The following RARB variants were observed in gnomAD, a reference collection of about 807,000 sequenced individuals.
The protein encoded by RARB is retinoic acid receptor beta, also known as HBV-activated protein.
In RARB, 17 loss-of-function variants were observed where a neutral mutation model predicts 51.9. The observed-to-expected ratio is 0.33, with a 90% CI of 0.22 to 0.49. The LOEUF is 0.49. RARB is among the 20% of genes least tolerant of loss of function. The pLI is 0.99. For missense variants in RARB, 369 were observed against 550.8 expected (o/e 0.67, Z 3.30); for synonymous variants, 215 against 195.4 (o/e 1.10, Z -0.84).
chr3:25,202,113 C>G (rs557625659), intron 5 of RARB, among the ~76,000 whole-genome samples: 1 of 152,178 alleles, frequency 6.6e-6, no homozygotes, highest in East Asian at 1.9e-4. Context: ...AATTTCAGAT[C>G]CTGTTATTGG....
intron 5 of RARB, among the ~76,000 whole-genome samples, chr3:25,583,440 C>T (rs184629122): frequency 3.4e-4 from 52 of 152,362 alleles, no homozygotes; most frequent in African/African-American, 1.1e-3. Flanking sequence ...TTGAGTACCG[C>T]CTGTTCAGAG....
chr3:25,056,609 G>A (rs796140041), intron 2 of RARB, among the ~76,000 whole-genome samples: 3 of 152,102 alleles, frequency 2.0e-5, no homozygotes, highest in Admixed American at 6.6e-5. Context: ...CTTAGTAGCA[G>A]TTTCATTATA....
At chr3:25,368,004 A>G (rs1706182470) in intron 5 of RARB, among the ~76,000 whole-genome samples, 1 of 152,158 alleles carries the variant, frequency 6.6e-6, no homozygotes, top group South Asian at 2.1e-4. Flanking sequence ...AATATGTAAG[A>G]AAATATTTTT....
chr3:25,122,991 G>T (rs1222751417), intron 3 of RARB, among the ~76,000 whole-genome samples: 2 of 152,100 alleles, frequency 1.3e-5, no homozygotes, highest in Non-Finnish European at 2.9e-5. Flanking sequence ...CATGTACACA[G>T]TGGTGACTCA....
At chr3:24,966,766 A>C (rs770221277) in intron 2 of RARB, among the ~76,000 whole-genome samples, 1 of 152,174 alleles carries the variant, frequency 6.6e-6, no homozygotes, top group Non-Finnish European at 1.5e-5. Flanking sequence ...TTCACATTAA[A>C]TTTTTATCTT....
chr3:25,328,212 A>T (rs1704782055), intron 5 of RARB, among the ~76,000 whole-genome samples: 1 of 152,250 alleles, frequency 6.6e-6, no homozygotes, highest in Non-Finnish European at 1.5e-5. Flanking sequence ...GGATAAACGG[A>T]TGAGCGATTT....
At chr3:25,238,829 A>C (rs1702364218) in intron 5 of RARB, among the ~76,000 whole-genome samples, 1 of 152,158 alleles carries the variant, frequency 6.6e-6, no homozygotes, top group South Asian at 2.1e-4. Context: ...AAATACAAAA[A>C]TTAGCCAGGC....
At chr3:24,935,281 C>T (rs932896999) in intron 2 of RARB, among the ~76,000 whole-genome samples, 1 of 152,024 alleles carries the variant, frequency 6.6e-6, no homozygotes, top group African/African-American at 2.4e-5. Context: ...TCCCACTGAG[C>T]TCAAGTAGTT....
At chr3:25,200,558 G>A (rs1216567869) in intron 5 of RARB, among the ~76,000 whole-genome samples, 1 of 152,114 alleles carries the variant, frequency 6.6e-6, no homozygotes, top group Non-Finnish European at 1.5e-5. Context: ...TTTTCTTCTA[G>A]GGTTTTTATG....
At chr3:25,301,304 T>C (rs1011713852) in intron 5 of RARB, among the ~76,000 whole-genome samples, 3 of 152,156 alleles carry the variant, frequency 2.0e-5, no homozygotes, top group Non-Finnish European at 4.4e-5. Context: ...GGACTCTCCA[T>C]TTTGTGCATA....
At chr3:25,220,160 A>G (rs1701914679) in intron 5 of RARB, among the ~76,000 whole-genome samples, 1 of 152,148 alleles carries the variant, frequency 6.6e-6, no homozygotes. Context: ...CCTTTGGACT[A>G]TTTCATTGCT....
chr3:25,520,754 C>T (rs1009775887), intron 3 of RARB, among the ~76,000 whole-genome samples: 4 of 152,168 alleles, frequency 2.6e-5, no homozygotes, highest in African/African-American at 7.2e-5. Flanking sequence ...TATAGCCACA[C>T]ATGATATATA....
intron 5 of RARB, among the ~76,000 whole-genome samples, chr3:25,241,940 C>T (rs916267332): frequency 1.3e-5 from 2 of 152,178 alleles, no homozygotes; most frequent in Non-Finnish European, 2.9e-5. Context: ...AGTGTAAAAA[C>T]TTTCCTATTT....
At chr3:25,453,608 T>C (rs1466076015) in intron 1 of RARB, among the ~76,000 whole-genome samples, 1 of 152,292 alleles carries the variant, frequency 6.6e-6, no homozygotes, top group South Asian at 2.1e-4. Context: ...CACACTTTGC[T>C]GAGCAAGGCT....
At chr3:25,416,634 G>T (rs1707712016) in intron 5 of RARB, among the ~76,000 whole-genome samples, 2 of 152,188 alleles carry the variant, frequency 1.3e-5, no homozygotes, top group African/African-American at 4.8e-5. Context: ...CAGCTCTGTT[G>T]TGCAAAAGCA....
At chr3:25,453,845 T>TC (rs1694745645) in intron 1 of RARB, among the ~76,000 whole-genome samples, 1 of 152,062 alleles carries the variant, frequency 6.6e-6, no homozygotes, top group African/African-American at 2.4e-5. Context: ...TTTCCTTCAC[T>TC]CCCCATCGTC....
rs1289428557 is a variant in RARB, at chr3:25,580,653, G to T, written c.717G>T (p.Leu239=). Residue 239 remains leucine, a synonymous_variant, in exon 5 of 8, where the codon CTG becomes CTT. Transcript: ENST00000330688. ...AGATCGTGGAGTTTGCTAAACGTCT[G>T]CCTGGTTTCACTGGCTTGACCATCG... The part of the protein sequence containing the change: ...IIKIVEFAKR[L]PGFTGLTIAD... 6.2e-7 allele frequency: 1 copy of T among 1,613,168 alleles called. No homozygotes were observed. The highest frequency in any genetic ancestry group is 2.2e-5 in the East Asian group (1 of 44,866).
Position 24,934,239 on chromosome 3 carries a change from C to G in RARB, c.-380+75487C>G, listed in dbSNP as rs145530699. 1.9e-3 allele frequency among the ~76,000 whole-genome samples: 293 copies of G among 152,190 alleles called. 1 individual carries two copies. In the Middle Eastern group the frequency reaches 0.024, roughly 12 times the overall value. On this transcript the variant is annotated intron_variant, in intron 2 of 11. Coordinates refer to the RARB transcript ENST00000383772. Reference sequence around the variant, plus strand: ...TGTGGCTCTTCCTAGAGTGAAAATTCAAATGCCATGCTTTTCCAGTTGTTA... The same window carrying G: ...TGTGGCTCTTCCTAGAGTGAAAATTGAAATGCCATGCTTTTCCAGTTGTTA...
chr3:24,883,350 C>G (rs1260926963), intron 2 of RARB, among the ~76,000 whole-genome samples: 1 of 102,744 alleles, frequency 9.7e-6, no homozygotes. Flanking sequence ...AGACTTTCAA[C>G]AATCATTGTG....
Sources: gnomAD v4.1 joint callset for allele counts (sites outside exome capture counted in the v4.1 genomes callset) on GRCh38, gnomAD v4.1.1 for gene constraint, MANE v1.5 for transcripts, NCBI Gene and HGNC (gene_info 2026-07-23, HGNC 2026-07-21) for gene names.